The following TSPAN9 variants were observed in gnomAD, a reference collection of about 807,000 sequenced individuals.
The protein encoded by TSPAN9 is tetraspanin-9.
Under a neutral mutation model 31.0 loss-of-function variants are expected in TSPAN9, and 16 were observed. The observed-to-expected ratio is 0.52, with a 90% confidence interval of 0.35 to 0.78. The LOEUF (loss-of-function observed/expected upper bound fraction) is 0.78, where lower values mean the gene tolerates loss of function less well. Ranked by LOEUF, TSPAN9 falls within the 30% of genes least tolerant of loss-of-function variation. The pLI, the probability that TSPAN9 is intolerant of heterozygous loss-of-function variation, is 0.01. For missense variants in TSPAN9, 272 were observed against 312.5 expected (o/e 0.87, Z 0.98); for synonymous variants, 145 against 121.6 (o/e 1.19, Z -1.27).
At chr12:3,108,229 A>G (rs879895113) in intron 2 of TSPAN9, among the ~76,000 whole-genome samples, 69 of 152,308 alleles carry the variant, frequency 4.5e-4, no homozygotes, top group Non-Finnish European at 6.8e-4. Flanking sequence ...GGACAGTGCA[A>G]TGGACCACAT....
chr12:3,108,261 T>G (rs556519034), intron 2 of TSPAN9, among the ~76,000 whole-genome samples: 1 of 152,210 alleles, frequency 6.6e-6, no homozygotes, highest in African/African-American at 2.4e-5. Flanking sequence ...TGTGAATATT[T>G]GTTGGTCTTG....
chr12:3,235,538 C>T (rs1334584852), intron 3 of TSPAN9, among the ~76,000 whole-genome samples: 1 of 152,060 alleles, frequency 6.6e-6, no homozygotes, highest in Non-Finnish European at 1.5e-5. Flanking sequence ...GTTCCCACTT[C>T]CCTTGAGTCC....
chr12:3,137,402 C>G lies in TSPAN9; in HGVS notation c.-18+53683C>G, dbSNP rs1375120011. 2.0e-5 allele frequency among the ~76,000 whole-genome samples: 3 copies of G among 152,216 alleles called. No individual in the cohort carries two copies. In the South Asian group the frequency reaches 6.2e-4, roughly 31 times the overall value. On this transcript the variant is annotated intron_variant, in intron 2 of 8. Coordinates refer to ENST00000011898, the MANE Select transcript of TSPAN9 (RefSeq NM_006675.5). ...CAGGCCACTGTCCTGACTCCTCGCC[C>G]TTCCCAGAGCCCCGCCTCCTGCTGC...
chr12:3,219,209 G>C (rs1191727013), intron 3 of TSPAN9, among the ~76,000 whole-genome samples: 1 of 152,224 alleles, frequency 6.6e-6, no homozygotes, highest in Non-Finnish European at 1.5e-5. Flanking sequence ...GTGTGATCTA[G>C]CAAGAATGTT....
intron 3 of TSPAN9, among the ~76,000 whole-genome samples, chr12:3,234,001 T>TA (rs2098392105): frequency 6.6e-6 from 1 of 152,224 alleles, no homozygotes; most frequent in South Asian, 2.1e-4. Context: ...ATAGCAGAGT[T>TA]ACTTTACACA....
At position 3,194,938 on chromosome 12, in the gene TSPAN9, C is replaced by T. The variant is rs114669545; in HGVS notation, c.-17-6239C>T. ...GGTTGCTAAATGGTTTGCTCGGCAA[C>T]GAAAGCATTTTCTGTACTGTACAGT... On this transcript the variant is annotated intron_variant, in intron 2 of 8. Transcript: ENST00000011898. Among the ~76,000 whole-genome samples, 405 of 152,302 alleles carry T rather than the reference C, an allele frequency of 2.7e-3. 1 individual carries two copies. The highest frequency in any genetic ancestry group is 9.1e-3 in the African/African-American group (378 of 41,558).
chr12:3,156,192 T>C (rs2098342196), intron 2 of TSPAN9, among the ~76,000 whole-genome samples: 1 of 152,162 alleles, frequency 6.6e-6, no homozygotes, highest in Admixed American at 6.5e-5. Flanking sequence ...GGGTGCACCT[T>C]TGGCATTTGA....
rs1358618671 is a variant in TSPAN9, at chr12:3,168,137, C to A, written c.-17-33040C>A. The stretch of plus-strand genomic sequence containing the variant: ...GGCCGGGGGAGACCACACCACCGTT[C>A]CACCGTTTAGCTCAGTGCCCTGCAA... On this transcript the variant is annotated intron_variant, in intron 2 of 8. Coordinates refer to ENST00000011898, the MANE Select transcript of TSPAN9 (RefSeq NM_006675.5). The surrounding 1 kb of genome is among the most constrained non-coding windows in gnomAD (Gnocchi z 4.0). Among the ~76,000 whole-genome samples the A allele has an allele frequency of 2.6e-5, 4 of 152,216 alleles. No homozygotes were observed. Among genetic ancestry groups the A allele is most frequent in the African/African-American group, 9.6e-5 (4 of 41,456 alleles).
intron 3 of TSPAN9, among the ~76,000 whole-genome samples, chr12:3,230,007 A>G (rs1441331717): frequency 6.6e-6 from 1 of 152,210 alleles, no homozygotes; most frequent in Non-Finnish European, 1.5e-5. Context: ...CAAGAGCACA[A>G]CGGAGCAGTG....
At chr12:3,247,299 G>GCCC (rs61516990) in intron 3 of TSPAN9, among the ~76,000 whole-genome samples, 3 of 37,458 alleles carry the variant, frequency 8.0e-5, no homozygotes, top group Admixed American at 2.6e-4. Context: ...TTACTGGCCA[G>GCCC]CCCCCCCCCC....
intron 3 of TSPAN9, among the ~76,000 whole-genome samples, chr12:3,202,790 C>T (rs140296674): frequency 4.6e-5 from 7 of 152,286 alleles, no homozygotes; most frequent in African/African-American, 1.4e-4. Context: ...CCTCCAGCCA[C>T]CCTAGTAGGA....
Position 3,279,037 on chromosome 12 carries a change from C to A in TSPAN9, c.301C>A (p.Leu101Ile), listed in dbSNP as rs758440332. Residue 101 changes from leucine (L) to isoleucine (I), a missense_variant, in exon 5 of 9, where the codon CTC becomes ATC. Coordinates refer to ENST00000011898, the MANE Select transcript of TSPAN9 (RefSeq NM_006675.5). ...CATCCTCCTAGCAGAGCTGATCTTA[C>A]TCATCCTCTTCTTTGTCTACATGGA... ...LVILLAELILLILFFVYMDKV... is the reference protein window; with the variant it reads ...LVILLAELILIILFFVYMDKV... 6.8e-6 allele frequency: 11 copies of A among 1,614,186 alleles called. No individual in the cohort carries two copies. The highest frequency in any genetic ancestry group is 6.8e-6 in the Non-Finnish European group (8 of 1,180,026).
chr12:3,191,876 T>C lies in TSPAN9; in HGVS notation c.-17-9301T>C, dbSNP rs1353314664. Among the ~76,000 whole-genome samples, 3 of 152,056 alleles carry C rather than the reference T, an allele frequency of 2.0e-5. No individual in the cohort carries two copies. In the East Asian group the frequency reaches 5.8e-4, roughly 29 times the overall value. On this transcript the variant is annotated intron_variant, in intron 2 of 8. Coordinates refer to ENST00000011898, the MANE Select transcript of TSPAN9 (RefSeq NM_006675.5). Reference sequence around the variant, plus strand: ...CTATGAGAAAAAAAGGGGCAAATGGTGCTGTGAGGAGTTGTATTGAAAGAA... The same window carrying C: ...CTATGAGAAAAAAAGGGGCAAATGGCGCTGTGAGGAGTTGTATTGAAAGAA...
intron 2 of TSPAN9, among the ~76,000 whole-genome samples, chr12:3,098,598 G>A (rs546106216): frequency 6.6e-6 from 1 of 152,292 alleles, no homozygotes; most frequent in East Asian, 1.9e-4. Context: ...TCTTTGCTTA[G>A]AGTCACTTTG....
chr12:3,120,046 C>T (rs537502029), intron 2 of TSPAN9, among the ~76,000 whole-genome samples: 73 of 152,298 alleles, frequency 4.8e-4, no homozygotes, highest in African/African-American at 1.7e-3. Flanking sequence ...AGCAGTTCCG[C>T]GGTTTCAGAT....
intron 2 of TSPAN9, among the ~76,000 whole-genome samples, chr12:3,101,666 T>A (rs2098311901): frequency 6.6e-6 from 1 of 152,216 alleles, no homozygotes; most frequent in Non-Finnish European, 1.5e-5. Context: ...GGGCGGTGTC[T>A]GTGCTCATCT....
intron 2 of TSPAN9, among the ~76,000 whole-genome samples, chr12:3,094,088 C>A (rs1055140344): frequency 6.6e-6 from 1 of 152,118 alleles, no homozygotes; most frequent in African/African-American, 2.4e-5. Context: ...TCTTGAACTC[C>A]TGGCCTTAAG....
intron 2 of TSPAN9, chr12:3,200,767 G>C (rs1437868160): frequency 6.5e-6 from 1 of 153,594 alleles, no homozygotes; most frequent in Non-Finnish European, 1.4e-5. Context: ...GCCCCTGGGC[G>C]CGGGGTTCGG....
intron 2 of TSPAN9, among the ~76,000 whole-genome samples, chr12:3,195,066 C>T (rs983007343): frequency 2.0e-5 from 3 of 152,216 alleles, no homozygotes; most frequent in Non-Finnish European, 2.9e-5. Context: ...TGGCAGTCAG[C>T]GCTTTGTGTC....
Sources: allele counts gnomAD v4.1 joint callset (sites outside exome capture counted in the v4.1 genomes callset), GRCh38; gene constraint gnomAD v4.1.1; non-coding constraint Gnocchi (gnomAD v3.1); transcripts MANE v1.5; gene names NCBI Gene and HGNC (gene_info 2026-07-23, HGNC 2026-07-21).